The following AFG2A variants were observed in gnomAD, a reference collection of about 807,000 sequenced individuals.
AFG2A encodes ATPase family gene 2 protein homolog A.
chr4:123,238,948 A>T, the AFG2A span, among the ~76,000 whole-genome samples: 1 of 152,304 alleles, frequency 6.6e-6, no homozygotes, highest in Admixed American at 6.5e-5. Flanking sequence ...AAAAAAGGTG[A>T]GACAAATGGC....
chr4:123,288,597 CT>C, the AFG2A span, among the ~76,000 whole-genome samples: 1 of 152,154 alleles, frequency 6.6e-6, no homozygotes, highest in African/African-American at 2.4e-5. Context: ...CTACAGCTGT[CT>C]TATGTTTGGC....
the AFG2A span, chr4:123,028,265 CAG>C: frequency 6.2e-7 from 1 of 1,614,042 alleles, no homozygotes; most frequent in Non-Finnish European, 8.5e-7. Context: ...TTAAAACATC[CAG>C]AGTCTTTCAT....
the AFG2A span, among the ~76,000 whole-genome samples, chr4:123,035,097 G>T: frequency 6.6e-6 from 1 of 152,146 alleles, no homozygotes; most frequent in Non-Finnish European, 1.5e-5. Context: ...CTGTTTCACT[G>T]CACTTCTCAG....
At chr4:123,014,961 G>A in the AFG2A span, among the ~76,000 whole-genome samples, 1 of 152,026 alleles carries the variant, frequency 6.6e-6, no homozygotes, top group Non-Finnish European at 1.5e-5. Context: ...CTGTGAAATT[G>A]TTAGATGTTT....
At chr4:122,927,023 G>T in the AFG2A span, among the ~76,000 whole-genome samples, 3 of 152,148 alleles carry the variant, frequency 2.0e-5, no homozygotes, top group South Asian at 6.2e-4. Context: ...TGGGGGTGGG[G>T]TGGATAGAAA....
At chr4:122,944,996 A>T in the AFG2A span, among the ~76,000 whole-genome samples, 1 of 152,106 alleles carries the variant, frequency 6.6e-6, no homozygotes, top group Admixed American at 6.5e-5. Context: ...TTCCTCTGGA[A>T]GTTTTGTCTC....
the AFG2A span, among the ~76,000 whole-genome samples, chr4:123,285,785 A>G: frequency 6.6e-6 from 1 of 152,150 alleles, no homozygotes. Flanking sequence ...GATGTTGAAC[A>G]AATTTACCTA....
At chr4:123,096,135 G>C in the AFG2A span, among the ~76,000 whole-genome samples, 38 of 152,142 alleles carry the variant, frequency 2.5e-4, no homozygotes, top group Admixed American at 8.5e-4. Flanking sequence ...ACACTAGGCT[G>C]GTGAAATAAT....
the AFG2A span, among the ~76,000 whole-genome samples, chr4:123,017,457 C>G: frequency 4.3e-5 from 2 of 46,044 alleles, no homozygotes; most frequent in Non-Finnish European, 7.7e-5. Flanking sequence ...TTGCTTTTCA[C>G]TATATACAGC....
chr4:122,981,669 C>T, the AFG2A span, among the ~76,000 whole-genome samples: 1 of 151,804 alleles, frequency 6.6e-6, no homozygotes. Flanking sequence ...AGACATTATT[C>T]TATGTATTTG....
At chr4:123,263,849 C>T in the AFG2A span, among the ~76,000 whole-genome samples, 4 of 152,144 alleles carry the variant, frequency 2.6e-5, no homozygotes, top group African/African-American at 9.7e-5. Context: ...ATCCAGCAAT[C>T]CCACTGCTAG....
At chr4:122,928,525 A>G in the AFG2A span, among the ~76,000 whole-genome samples, 1 of 152,260 alleles carries the variant, frequency 6.6e-6, no homozygotes, top group South Asian at 2.1e-4. Context: ...TGTGTCTTTT[A>G]GAAGAGAGGA....
chr4:123,085,468 A>C, the AFG2A span, among the ~76,000 whole-genome samples: 3 of 152,302 alleles, frequency 2.0e-5, no homozygotes, highest in Middle Eastern at 3.4e-3. Flanking sequence ...TTGGTCTCTG[A>C]GAATTTTGCA....
the AFG2A span, among the ~76,000 whole-genome samples, chr4:123,307,040 A>G: frequency 6.6e-6 from 1 of 152,206 alleles, no homozygotes; most frequent in South Asian, 2.1e-4. Flanking sequence ...GGGTTAGTTT[A>G]ACATTCCAGA....
At chr4:123,171,060 A>G in the AFG2A span, among the ~76,000 whole-genome samples, 882 of 152,312 alleles carry the variant, frequency 5.8e-3, 12 homozygotes, top group African/African-American at 0.02. Context: ...GTAGGATTTC[A>G]ACCACACTGG....
At chr4:123,134,889 AAT>A in the AFG2A span, among the ~76,000 whole-genome samples, 5 of 152,118 alleles carry the variant, frequency 3.3e-5, no homozygotes, top group Admixed American at 6.5e-5. Context: ...AAGAGGAGGG[AAT>A]ACCTCCAGAC....
chr4:123,308,660 C>T, the AFG2A span, among the ~76,000 whole-genome samples: 4 of 152,204 alleles, frequency 2.6e-5, no homozygotes, highest in Non-Finnish European at 1.5e-5. Context: ...TTGTCTTCCA[C>T]GAAACCAGTC....
At chr4:123,180,620 T>C in the AFG2A span, among the ~76,000 whole-genome samples, 3 of 152,218 alleles carry the variant, frequency 2.0e-5, no homozygotes, top group African/African-American at 7.2e-5. Context: ...CCACTTGACA[T>C]GATTCTAAAT....
chr4:123,275,360 C>T, the AFG2A span, among the ~76,000 whole-genome samples: 1 of 152,068 alleles, frequency 6.6e-6, no homozygotes, highest in African/African-American at 2.4e-5. Flanking sequence ...ACTGTCTTAA[C>T]TACAAAAAAT....
Sources: allele counts gnomAD v4.1 joint callset (sites outside exome capture counted in the v4.1 genomes callset), GRCh38; gene constraint gnomAD v4.1.1; transcripts MANE v1.5; gene names NCBI Gene and HGNC (gene_info 2026-07-23, HGNC 2026-07-21).